Variants in NALF1 observed in about 807,000 individuals in gnomAD.
NALF1 encodes NALCN channel auxiliary factor 1.
NALF1 carries 3 observed loss-of-function variants against 48.4 expected under a neutral mutation model. That is an observed-to-expected ratio of 0.06 (90% confidence interval 0.03 to 0.16). The LOEUF (loss-of-function observed/expected upper bound fraction) is 0.16. Among genes scored for constraint, NALF1 ranks in the 10% least tolerant of loss-of-function variants. NALF1 has a pLI of 1.00. For synonymous variants in NALF1, 262 were observed against 245.7 expected, an observed-to-expected ratio of 1.07 and a Z score of -0.62; for missense variants, 526 against 571.5, an observed-to-expected ratio of 0.92 and a Z score of 0.81.
At chr13:107,669,933 A>G (rs1265882846) in intron 1 of NALF1, among the ~76,000 whole-genome samples, 1 of 152,036 alleles carries the variant, frequency 6.6e-6, no homozygotes, top group Non-Finnish European at 1.5e-5. Context: ...CCCTTATGAA[A>G]GCTCGACTCA....
At chr13:107,493,313 T>G (rs887194343) in intron 1 of NALF1, among the ~76,000 whole-genome samples, 3 of 152,110 alleles carry the variant, frequency 2.0e-5, no homozygotes, top group Admixed American at 2.0e-4. Flanking sequence ...AAAGTTAAAT[T>G]TACTTAGTGC....
chr13:107,370,805 T>G (rs1883236483), intron 1 of NALF1, among the ~76,000 whole-genome samples: 1 of 152,132 alleles, frequency 6.6e-6, no homozygotes, highest in South Asian at 2.1e-4. Flanking sequence ...CTTATAATCA[T>G]GGCGAAAGGG....
chr13:107,432,481 T>C (rs1433732990), intron 1 of NALF1, among the ~76,000 whole-genome samples: 1 of 152,168 alleles, frequency 6.6e-6, no homozygotes, highest in African/African-American at 2.4e-5. Flanking sequence ...AGGTTCTATC[T>C]AAAAAACTGT....
intron 1 of NALF1, among the ~76,000 whole-genome samples, chr13:107,795,052 T>C (rs966591551): frequency 3.9e-5 from 6 of 152,140 alleles, no homozygotes; most frequent in Non-Finnish European, 7.4e-5. Flanking sequence ...AGATGTTTAT[T>C]TGCATACAAA....
At position 107,742,095 on chromosome 13, in the gene NALF1, TG is replaced by T. The variant is rs374594517; in HGVS notation, c.915+123586del. Among the ~76,000 whole-genome samples the T allele has an allele frequency of 3.2e-3, 484 of 152,298 alleles. 3 individuals are homozygous for T. The highest frequency in any genetic ancestry group is 0.011 in the African/African-American group (460 of 41,560). ...TGTTCTCAGGAAACAGCACGAGAAG[TG>T]GATGGGAAGTCAGTCTCCCCTCATT... On this transcript the variant is annotated intron_variant, in intron 1 of 2. Transcript: ENST00000375915.
Position 107,170,406 on chromosome 13 carries a change from G to A in NALF1, c.*91C>T. ...AAAGGCCTTGCAATAAGTAATTCGA[G>A]GGTAAAAGCACCCAGTTTCTGTTAC... On this transcript the variant is annotated 3_prime_UTR_variant, in exon 3 of 3. Transcript: ENST00000375915. 1 of 1,333,574 alleles carries A rather than the reference G, an allele frequency of 7.5e-7. No individual in the cohort carries two copies. The highest frequency in any genetic ancestry group is 2.3e-5 in the East Asian group (1 of 43,050). The allele number at this position is 1,333,574 out of a possible 1,614,324, so 82.6% of individuals were successfully genotyped here. A position where few individuals can be genotyped will look rare whatever the true frequency, so the allele number is the denominator to read the frequency against.
intron 1 of NALF1, among the ~76,000 whole-genome samples, chr13:107,777,526 C>A (rs1360080487): frequency 6.6e-6 from 1 of 152,152 alleles, no homozygotes; most frequent in Non-Finnish European, 1.5e-5. Context: ...GCAAGATCTG[C>A]TTGTTTAAAA....
At chr13:107,516,405 T>C (rs1876054463) in intron 1 of NALF1, among the ~76,000 whole-genome samples, 1 of 152,154 alleles carries the variant, frequency 6.6e-6, no homozygotes, top group African/African-American at 2.4e-5. Context: ...TCAACCAACA[T>C]TCCACCATGT....
At chr13:107,532,807 G>C (rs770612744) in intron 1 of NALF1, among the ~76,000 whole-genome samples, 2 of 105,050 alleles carry the variant, frequency 1.9e-5, no homozygotes, top group Non-Finnish European at 4.3e-5. Context: ...TAGCAATTTA[G>C]AGATTATTCA....
intron 1 of NALF1, among the ~76,000 whole-genome samples, chr13:107,687,092 C>A (rs1044403543): frequency 6.6e-6 from 1 of 152,158 alleles, no homozygotes; most frequent in Non-Finnish European, 1.5e-5. Context: ...AAATATGGTG[C>A]ATATACACCA....
At chr13:107,325,357 T>C (rs879684583) in intron 1 of NALF1, among the ~76,000 whole-genome samples, 3 of 152,166 alleles carry the variant, frequency 2.0e-5, no homozygotes, top group Non-Finnish European at 2.9e-5. Flanking sequence ...CACATCTATT[T>C]TAAAGTTAAC....
chr13:107,625,249 AG>A (rs943982526), intron 1 of NALF1, among the ~76,000 whole-genome samples: 1 of 152,088 alleles, frequency 6.6e-6, no homozygotes, highest in Non-Finnish European at 1.5e-5. Context: ...AATGTACTTG[AG>A]AAACAATGAA....
rs188070067 is a variant in NALF1, at chr13:107,681,567, C to G, written c.915+184115G>C. Among the ~76,000 whole-genome samples, 11 of 152,280 alleles carry G rather than the reference C, an allele frequency of 7.2e-5. No homozygotes were observed. In the East Asian group the frequency reaches 2.1e-3, roughly 29 times the overall value. Reference sequence around the variant, plus strand: ...AATTCAAATACCAACCTGCAGACATCAGGGGAGGCAAGACTGTCCCTGAGG... The same window carrying G: ...AATTCAAATACCAACCTGCAGACATGAGGGGAGGCAAGACTGTCCCTGAGG... On this transcript the variant is annotated intron_variant, in intron 1 of 2. Coordinates refer to ENST00000375915, the MANE Select transcript of NALF1 (RefSeq NM_001080396.3).
intron 1 of NALF1, among the ~76,000 whole-genome samples, chr13:107,334,397 C>A (rs1200427646): frequency 6.6e-6 from 1 of 152,190 alleles, no homozygotes; most frequent in Non-Finnish European, 1.5e-5. Flanking sequence ...CTTTTGTATT[C>A]TTTTCCAACC....
chr13:107,839,126 G>A (rs1879980488), intron 1 of NALF1, among the ~76,000 whole-genome samples: 2 of 151,912 alleles, frequency 1.3e-5, no homozygotes, highest in Admixed American at 1.3e-4. Flanking sequence ...TATTTGCTAT[G>A]TAACAAGACT....
chr13:107,507,745 C>G (rs1409992487), intron 1 of NALF1, among the ~76,000 whole-genome samples: 1 of 151,946 alleles, frequency 6.6e-6, no homozygotes. Flanking sequence ...AAACAATAGC[C>G]TGCTATATTT....
At chr13:107,322,409 A>G (rs1223649449) in intron 1 of NALF1, among the ~76,000 whole-genome samples, 2 of 152,186 alleles carry the variant, frequency 1.3e-5, no homozygotes, top group South Asian at 2.1e-4. Context: ...GATTCTCGTG[A>G]TGACTTATTA....
chr13:107,429,815 T>A (rs893658893), intron 1 of NALF1, among the ~76,000 whole-genome samples: 1 of 152,228 alleles, frequency 6.6e-6, no homozygotes, highest in African/African-American at 2.4e-5. Flanking sequence ...ATTCAATCTA[T>A]AAATACATGT....
chr13:107,281,039 A>G (rs1881376337), intron 1 of NALF1, among the ~76,000 whole-genome samples: 1 of 152,238 alleles, frequency 6.6e-6, no homozygotes, highest in Non-Finnish European at 1.5e-5. Flanking sequence ...ACATGCAAAT[A>G]TAAAGATCTG....
Sources: allele counts gnomAD v4.1 joint callset (sites outside exome capture counted in the v4.1 genomes callset), GRCh38; gene constraint gnomAD v4.1.1; transcripts MANE v1.5; gene names NCBI Gene and HGNC (gene_info 2026-07-23, HGNC 2026-07-21).